TCF4: variants seen among roughly 807,000 people sequenced by gnomAD.
The protein encoded by TCF4 is transcription factor 4, also known as SL3-3 enhancer factor 2.
In TCF4, 3 loss-of-function variants were observed where a neutral mutation model predicts 82.1. That is an observed-to-expected ratio of 0.04 (90% CI 0.02 to 0.09). TCF4 has a LOEUF of 0.09. TCF4 is among the 10% of genes least tolerant of loss of function. TCF4 has a pLI of 1.00. For synonymous variants in TCF4, 276 were observed against 309.6 expected (o/e 0.89, Z 1.14); for missense variants, 518 against 852.7 (o/e 0.61, Z 4.89).
In TCF4 at chr18:55,409,305, C is replaced by G. The variant is rs551546882; in HGVS notation, c.305-5787G>C. ...TACAAGCTATTGCCCTGCCCCCCAA[C>G]AGATTTACATTGTATCTAGCATGTT... On this transcript the variant is annotated intron_variant, in intron 5 of 19. Coordinates refer to ENST00000354452, the MANE Select transcript of TCF4 (RefSeq NM_001083962.2). Among the ~76,000 whole-genome samples, 124 of 152,170 alleles carry G rather than the reference C, an allele frequency of 8.1e-4. No individual in the cohort carries two copies. In the South Asian group the frequency reaches 0.024, roughly 29 times the overall value.
chr18:55,573,298 CA>C (rs34330994), intron 3 of TCF4, among the ~76,000 whole-genome samples: 19,388 of 106,910 alleles, frequency 0.18, 1,543 homozygotes, highest in Admixed American at 0.32. Context: ...GAAGTTTCAC[CA>C]AAAAAAAAAA....
chr18:55,558,579 ACT>A (rs2097325928), intron 3 of TCF4, among the ~76,000 whole-genome samples: 2 of 152,172 alleles, frequency 1.3e-5, no homozygotes, highest in Non-Finnish European at 2.9e-5. Flanking sequence ...AATTAACAAC[ACT>A]AGAGTCACAC....
intron 3 of TCF4, among the ~76,000 whole-genome samples, chr18:55,495,056 T>C (rs1018510176): frequency 1.3e-5 from 2 of 151,990 alleles, no homozygotes; most frequent in African/African-American, 4.8e-5. Flanking sequence ...AATGCATTCT[T>C]AGGTCTGGTT....
chr18:55,262,211 T>A (rs1175569913), intron 11 of TCF4, among the ~76,000 whole-genome samples: 1 of 152,208 alleles, frequency 6.6e-6, no homozygotes, highest in Non-Finnish European at 1.5e-5. Flanking sequence ...CTCTACTGCC[T>A]TAAACACTGG....
At chr18:55,505,269 T>C (rs2096741400) in intron 3 of TCF4, among the ~76,000 whole-genome samples, 1 of 152,212 alleles carries the variant, frequency 6.6e-6, no homozygotes, top group South Asian at 2.1e-4. Context: ...TTCTCTTCAA[T>C]AGAGCCACCT....
intron 5 of TCF4, among the ~76,000 whole-genome samples, chr18:55,449,522 T>A (rs1568064180): frequency 6.6e-6 from 1 of 152,230 alleles, no homozygotes; most frequent in Non-Finnish European, 1.5e-5. Context: ...TATTGCCCAA[T>A]TAAGTGCAAT....
At chr18:55,232,704 AC>A (rs769606253) in intron 16 of TCF4, 33 bp from the exon 17 acceptor site, 2 of 1,613,708 alleles carry the variant, frequency 1.2e-6, no homozygotes, top group Non-Finnish European at 1.7e-6. Context: ...TGACATGTAC[AC>A]CACAATCTCA....
chr18:55,230,379 G>C (rs922327248), intron 17 of TCF4: 1 of 152,178 alleles, frequency 6.6e-6, no homozygotes, highest in African/African-American at 2.4e-5. Flanking sequence ...ACAGCAGCAG[G>C]GTTCAAATAT....
chr18:55,546,227 G>A (rs573818539), intron 3 of TCF4, among the ~76,000 whole-genome samples: 3 of 152,012 alleles, frequency 2.0e-5, no homozygotes, highest in South Asian at 2.1e-4. Context: ...TAGTCCCAGC[G>A]ACTCAGGAGG....
intron 15 of TCF4, among the ~76,000 whole-genome samples, chr18:55,244,710 C>T (rs2052483522): frequency 6.6e-6 from 1 of 152,162 alleles, no homozygotes; most frequent in African/African-American, 2.4e-5. Context: ...AGACATTTTG[C>T]AAAACAGCTT....
chr18:55,519,466 TAATG>T (rs2096915258), intron 3 of TCF4, among the ~76,000 whole-genome samples: 1 of 151,836 alleles, frequency 6.6e-6, no homozygotes, highest in African/African-American at 2.4e-5. Context: ...AGATGTGTTC[TAATG>T]TTGAGAAACC....
At chr18:55,424,248 G>A (rs2054241892) in intron 5 of TCF4, among the ~76,000 whole-genome samples, 1 of 152,174 alleles carries the variant, frequency 6.6e-6, no homozygotes, top group Non-Finnish European at 1.5e-5. Flanking sequence ...CTCCAGATTA[G>A]TTAACATGAG....
intron 8 of TCF4, among the ~76,000 whole-genome samples, chr18:55,308,579 C>G (rs528175129): frequency 1.3e-5 from 2 of 152,236 alleles, no homozygotes; most frequent in East Asian, 3.9e-4. Flanking sequence ...TGGTTGTCTA[C>G]AATATGCCAA....
intron 3 of TCF4, among the ~76,000 whole-genome samples, chr18:55,529,711 C>T (rs769600866): frequency 1.3e-4 from 20 of 152,200 alleles, no homozygotes; most frequent in African/African-American, 4.6e-4. Flanking sequence ...CTGGCAACTC[C>T]GCGATGGCTA....
At position 55,275,772 on chromosome 18, in the gene TCF4, C is replaced by T; in HGVS notation, c.656-20G>A. On this transcript the variant is annotated intron_variant, in intron 9 of 19. Coordinates refer to ENST00000354452, the MANE Select transcript of TCF4 (RefSeq NM_001083962.2). ...GGCCATCTGTAAAGGACAAAGACAA[C>T]CATGACTTTCTGAGGCATTCAGCCT... 6.2e-7 allele frequency: 1 copy of T among 1,613,648 alleles called. No homozygotes were observed. Among genetic ancestry groups the T allele is most frequent in the Non-Finnish European group, 8.5e-7 (1 of 1,179,620 alleles).
intron 5 of TCF4, among the ~76,000 whole-genome samples, chr18:55,438,179 TGACG>T (rs2095367758): frequency 7.1e-6 from 1 of 141,050 alleles, no homozygotes; most frequent in South Asian, 2.2e-4. Flanking sequence ...CCAGCCTGAG[TGACG>T]GAGTGAGACT....
At chr18:55,416,902 C>T (rs1309559463) in intron 5 of TCF4, among the ~76,000 whole-genome samples, 1 of 152,172 alleles carries the variant, frequency 6.6e-6, no homozygotes, top group East Asian at 1.9e-4. Flanking sequence ...TGTGTCTCTT[C>T]TTTGCACTTC....
At chr18:55,525,892 A>G (rs1373065735) in intron 3 of TCF4, among the ~76,000 whole-genome samples, 4 of 152,200 alleles carry the variant, frequency 2.6e-5, no homozygotes, top group Non-Finnish European at 5.9e-5. Flanking sequence ...GGCAAAAGAA[A>G]ACAAGGTGGT....
rs1305880836 is a variant in TCF4 at position 55,460,883 on chromosome 18, ATT to A, written c.304+134_304+135del. Reference sequence around the variant, plus strand: ...ACACAGACTGCCAATCCTCTCTGCAATTTAAGATTATTACAAGTGAACTGACT... The same window carrying A: ...ACACAGACTGCCAATCCTCTCTGCAATAAGATTATTACAAGTGAACTGACT... On this transcript the variant is annotated intron_variant, in intron 5 of 19. Transcript: ENST00000354452. 19 of 760,180 alleles carry A rather than the reference ATT, an allele frequency of 2.5e-5. No individual in the cohort carries two copies. In the Admixed American group the frequency reaches 3.8e-4, roughly 15 times the overall value. 47.1% of individuals were successfully genotyped at this position (760,180 alleles called of 1,614,324 possible). A position where few individuals can be genotyped will look rare whatever the true frequency, so the allele number is the denominator to read the frequency against.
Sources: allele counts gnomAD v4.1 joint callset (sites outside exome capture counted in the v4.1 genomes callset), GRCh38; gene constraint gnomAD v4.1.1; transcripts MANE v1.5; gene names NCBI Gene and HGNC (gene_info 2026-07-23, HGNC 2026-07-21).